The following UHMK1 variants were observed in gnomAD, a reference collection of about 807,000 sequenced individuals.
UHMK1 encodes the protein serine/threonine-protein kinase Kist.
Under a neutral mutation model 44.0 loss-of-function variants are expected in UHMK1, and 18 were observed. That is an observed-to-expected ratio of 0.41 (90% CI 0.28 to 0.61). The LOEUF is 0.61. Among genes scored for constraint, UHMK1 ranks in the 20% least tolerant of loss-of-function variants. The probability of loss-of-function intolerance (pLI) is 0.31; values close to 1 mark genes in which losing one functional copy is unlikely to be tolerated. For synonymous variants in UHMK1, 231 were observed against 198.5 expected, an observed-to-expected ratio of 1.16 and a Z score of -1.38; for missense variants, 463 against 522.5, an observed-to-expected ratio of 0.89 and a Z score of 1.11.
intron 6 of UHMK1, among the ~76,000 whole-genome samples, chr1:162,515,615 C>CA (rs1651807173): frequency 6.6e-6 from 1 of 152,162 alleles, no homozygotes; most frequent in Non-Finnish European, 1.5e-5. Context: ...TACGAAGGTA[C>CA]AATGGCTCTG....
intron 3 of UHMK1, 22 bp downstream of exon 3, chr1:162,501,126 C>T (rs1338123560): frequency 6.2e-7 from 1 of 1,605,288 alleles, no homozygotes; most frequent in Non-Finnish European, 8.5e-7. Context: ...CAGTGCTTTG[C>T]TTTGGGGTCC....
intron 7 of UHMK1, 116 bp downstream of exon 7, chr1:162,518,306 G>A (rs1170055819): frequency 3.2e-6 from 2 of 631,860 alleles, no homozygotes; most frequent in Non-Finnish European, 5.5e-6. Flanking sequence ...TATGAGTTTT[G>A]CATTTTAATG....
In UHMK1 at chr1:162,523,945, A is replaced by C. The variant is rs1316991917; in HGVS notation, c.*1395A>C. 1 of 152,176 alleles carries C rather than the reference A, an allele frequency of 6.6e-6. No individual in the cohort carries two copies. Among genetic ancestry groups the C allele is most frequent in the Non-Finnish European group, 1.5e-5 (1 of 68,020 alleles). The allele number at this position is 152,176 out of a possible 1,614,324, so 9.4% of individuals were successfully genotyped here. ...TGCTATGCGTGAGTTCATGGACACAAGTTGATTACATGGTTTTTAGAATTA... is the reference window on the plus strand; with the variant it reads ...TGCTATGCGTGAGTTCATGGACACACGTTGATTACATGGTTTTTAGAATTA... On this transcript the variant is annotated 3_prime_UTR_variant, in exon 8 of 8. Coordinates refer to ENST00000489294, the MANE Select transcript of UHMK1 (RefSeq NM_175866.5).
At chr1:162,522,324 A>G in intron 7 of UHMK1, 80 bp from the exon 8 acceptor site, 4 of 1,458,874 alleles carry the variant, frequency 2.7e-6, no homozygotes, top group Non-Finnish European at 3.8e-6. Flanking sequence ...CAGTTGATGT[A>G]TATATATTAA....
intron 7 of UHMK1, among the ~76,000 whole-genome samples, chr1:162,519,531 T>C (rs950509456): frequency 6.6e-6 from 1 of 152,196 alleles, no homozygotes. Context: ...TCAATATGAT[T>C]AGCTTTGTGA....
intron 4 of UHMK1, among the ~76,000 whole-genome samples, chr1:162,504,312 A>G (rs977011008): frequency 1.3e-5 from 2 of 152,226 alleles, no homozygotes; most frequent in Non-Finnish European, 2.9e-5. Context: ...AAAACAATAG[A>G]TATTTTGAAA....
At chr1:162,506,225 C>T (rs1243421366) in intron 4 of UHMK1, among the ~76,000 whole-genome samples, 23 of 2,480 alleles carry the variant, frequency 9.3e-3, no homozygotes, top group African/African-American at 0.047. Context: ...AAATAATAGC[C>T]CCCCCCCCCC....
chr1:162,519,798 G>C (rs1004665894), intron 7 of UHMK1, among the ~76,000 whole-genome samples: 4 of 152,142 alleles, frequency 2.6e-5, no homozygotes, highest in African/African-American at 9.7e-5. Flanking sequence ...ACGTTTAACA[G>C]CTTTCCTGAT....
chr1:162,498,036 G>C lies in UHMK1; in HGVS notation c.36G>C (p.Pro12=). 7 of 1,598,466 alleles carry C rather than the reference G, an allele frequency of 4.4e-6. No homozygotes were observed. The highest frequency in any genetic ancestry group is 6.0e-6 in the Non-Finnish European group (7 of 1,171,086). Residue 12 remains proline (P), a synonymous_variant, in exon 1 of 8, where the codon CCG becomes CCC. Transcript: ENST00000489294. ...AGSGCAWGAE[P]PRFLEAFGRL... ...CCGGCTGCGCCTGGGGCGCGGAGCCGCCGCGTTTTCTGGAGGCCTTCGGGC... is the reference window on the plus strand; with the variant it reads ...CCGGCTGCGCCTGGGGCGCGGAGCCCCCGCGTTTTCTGGAGGCCTTCGGGC...
At chr1:162,520,351 A>G (rs1652010396) in intron 7 of UHMK1, among the ~76,000 whole-genome samples, 1 of 152,238 alleles carries the variant, frequency 6.6e-6, no homozygotes, top group South Asian at 2.1e-4. Flanking sequence ...CTGAATACTA[A>G]TATGTATAAT....
At chr1:162,503,236 G>C (rs1651343379) in intron 3 of UHMK1, among the ~76,000 whole-genome samples, 1 of 148,226 alleles carries the variant, frequency 6.7e-6, no homozygotes, top group Non-Finnish European at 1.5e-5. Flanking sequence ...GATGTTCATA[G>C]AGTGCTAGGC....
chr1:162,497,636 A>C (rs1019592744), upstream of UHMK1, among the ~76,000 whole-genome samples: 1 of 152,156 alleles, frequency 6.6e-6, no homozygotes, highest in Non-Finnish European at 1.5e-5. Context: ...TTTTGGCTTC[A>C]GGTCTATGTG....
rs917222165 is a variant in UHMK1 at position 162,498,249 on chromosome 1, G to A, written c.249G>A (p.Leu83=). 1 of 1,601,896 alleles carries A rather than the reference G, an allele frequency of 6.2e-7. No individual in the cohort carries two copies. The highest frequency in any genetic ancestry group is 8.5e-7 in the Non-Finnish European group (1 of 1,173,036). ...FRKERAALEQ[L]QGHRNIVTLY... ...AAGAGAGGGCGGCGCTGGAACAGTT[G>A]CAGGGTCACAGAAACATCGGTAATT... The change falls in exon 1 of 8, where the codon TTG becomes TTA. Residue 83 remains leucine (L), a synonymous_variant. Coordinates refer to ENST00000489294, the MANE Select transcript of UHMK1 (RefSeq NM_175866.5).
chr1:162,508,633 C>T (rs1439858721), intron 4 of UHMK1, among the ~76,000 whole-genome samples: 3 of 151,372 alleles, frequency 2.0e-5, no homozygotes, highest in African/African-American at 7.3e-5. Context: ...ATCCTGGAGG[C>T]GGAGGTTGCA....
intron 2 of UHMK1, 115 bp from the exon 3 acceptor site, chr1:162,500,798 A>G: frequency 9.8e-7 from 1 of 1,015,920 alleles, no homozygotes; most frequent in Non-Finnish European, 1.4e-6. Flanking sequence ...AAAAATTTTT[A>G]GCATTTAGCT....
intron 6 of UHMK1, among the ~76,000 whole-genome samples, chr1:162,517,444 A>G (rs976047361): frequency 3.5e-4 from 54 of 152,368 alleles, no homozygotes; most frequent in Admixed American, 1.8e-3. Flanking sequence ...GAATATTCAT[A>G]GAATAAAATA....
chr1:162,498,324 T>G, intron 1 of UHMK1, 56 bp downstream of exon 1: 1 of 1,512,078 alleles, frequency 6.6e-7, no homozygotes, highest in Non-Finnish European at 8.9e-7. Flanking sequence ...GAGCACACTC[T>G]TCCTCTCGCT....
At chr1:162,520,453 TAA>T (rs1652015749) in intron 7 of UHMK1, among the ~76,000 whole-genome samples, 1 of 152,070 alleles carries the variant, frequency 6.6e-6, no homozygotes, top group South Asian at 2.1e-4. Context: ...ATCAGATTTT[TAA>T]AAGTGTGGTG....
In UHMK1 at chr1:162,498,077, A is replaced by T; in HGVS notation, c.77A>T (p.Gln26Leu). 1 of 1,611,804 alleles carries T rather than the reference A, an allele frequency of 6.2e-7. No individual in the cohort carries two copies. The highest frequency in any genetic ancestry group is 8.5e-7 in the Non-Finnish European group (1 of 1,179,686). Residue 26 changes from glutamine (Q) to leucine (L), a missense_variant, in exon 1 of 8, where the codon CAG becomes CTG. Gln to Leu is a moderately radical substitution (Grantham distance 113). This residue lies in a region of UHMK1 where 191 missense variants were observed against 176.0 expected (regional missense o/e 1.09). Coordinates refer to ENST00000489294, the MANE Select transcript of UHMK1 (RefSeq NM_175866.5). ...LEAFGRLWQV[Q>L]SRLGSGSSAS... ...GCCTTCGGGCGGCTGTGGCAGGTACAGAGCCGTCTGGGTAGCGGCTCCTCC... is the reference window on the plus strand; with the variant it reads ...GCCTTCGGGCGGCTGTGGCAGGTACTGAGCCGTCTGGGTAGCGGCTCCTCC...
Sources: allele counts gnomAD v4.1 joint callset (sites outside exome capture counted in the v4.1 genomes callset), GRCh38; gene constraint gnomAD v4.1.1; regional missense constraint gnomAD v4.1.1; transcripts MANE v1.5; gene names NCBI Gene and HGNC (gene_info 2026-07-23, HGNC 2026-07-21).